Variants in SNAI2 observed in about 807,000 individuals in gnomAD.
The protein encoded by SNAI2 is snail family transcriptional repressor 2.
In SNAI2, 2 loss-of-function variants were observed where a neutral mutation model predicts 22.4. The ratio of observed to expected loss-of-function variants is 0.09; its 90% CI spans 0.04 to 0.28. The LOEUF is 0.28. Among genes scored for constraint, SNAI2 ranks in the 10% least tolerant of loss-of-function variants. The pLI is 1.00. For missense variants in SNAI2, 239 were observed against 320.8 expected (o/e 0.75, Z 1.95); for synonymous variants, 134 against 123.0 (o/e 1.09, Z -0.59).
At chr8:48,920,596 A>G (rs1207225050) in intron 1 of SNAI2, among the ~76,000 whole-genome samples, 155 bp from the exon 2 acceptor site, 2 of 152,254 alleles carry the variant, frequency 1.3e-5, no homozygotes, top group Non-Finnish European at 2.9e-5. Flanking sequence ...ACACACTGGT[A>G]AAATGTTTCA....
intron 2 of SNAI2, among the ~76,000 whole-genome samples, chr8:48,919,439 G>A (rs762773785): frequency 3.3e-5 from 5 of 152,218 alleles, no homozygotes; most frequent in African/African-American, 4.8e-5. Context: ...CAAAGCAAGA[G>A]AGGCAAAGTA....
chr8:48,919,153 T>G (rs915891051), intron 2 of SNAI2, among the ~76,000 whole-genome samples, 165 bp from the exon 3 acceptor site: 2 of 152,202 alleles, frequency 1.3e-5, no homozygotes, highest in Non-Finnish European at 2.9e-5. Context: ...ATACCTGAAT[T>G]TTTAAGATAA....
intron 2 of SNAI2, among the ~76,000 whole-genome samples, chr8:48,919,423 C>T (rs1256819008): frequency 7.2e-5 from 11 of 152,100 alleles, no homozygotes; most frequent in Non-Finnish European, 1.6e-4. Flanking sequence ...GCAAAAAATC[C>T]CCAAACAAAG....
chr8:48,920,157 C>T lies in SNAI2; in HGVS notation c.364G>A (p.Ala122Thr), dbSNP rs907510990. 1.2e-6 allele frequency: 2 copies of T among 1,614,200 alleles called. No individual in the cohort carries two copies. Among genetic ancestry groups the T allele is most frequent in the Admixed American group, 1.7e-5 (1 of 60,022 alleles). ...RLQSKLSDPHAIEAEKFQCNL... is the reference protein window; with the variant it reads ...RLQSKLSDPHTIEAEKFQCNL... ...CACTGAAACTTTTCAGCTTCAATGG[C>T]ATGGGGGTCTGAAAGCTTGGACTGT... Residue 122 changes from alanine (A) to threonine (T), a missense_variant, in exon 2 of 3, where the codon GCC becomes ACC. Physicochemically the swap from Ala to Thr is moderately conservative, Grantham distance 58. Coordinates refer to ENST00000020945, the MANE Select transcript of SNAI2 (RefSeq NM_003068.5).
Position 48,918,903 on chromosome 8 carries a change from A to G in SNAI2, c.711T>C (p.Asp237=), listed in dbSNP as rs1216935277. The G allele has an allele frequency of 6.2e-7, 1 of 1,614,166 alleles. No homozygotes were observed. Among genetic ancestry groups the G allele is most frequent in the Admixed American group, 1.7e-5 (1 of 60,020 alleles). The change falls in exon 3 of 3, where the codon GAT becomes GAC. Residue 237 remains aspartate (D), a synonymous_variant. Coordinates refer to ENST00000020945, the MANE Select transcript of SNAI2 (RefSeq NM_003068.5). ...AGTTTTTGCACTGGTATTTCTTTAC[A>G]TCAGAATGGGTCTGCAGATGAGCCC... ...NLRAHLQTHS[D]VKKYQCKNCS... is the part of the protein sequence containing the mutation.
Position 48,920,163 on chromosome 8 carries a change from G to C in SNAI2, c.358C>G (p.Pro120Ala). The C allele has an allele frequency of 1.9e-6, 3 of 1,614,198 alleles. No individual in the cohort carries two copies. Among genetic ancestry groups the C allele is most frequent in the Non-Finnish European group, 2.5e-6 (3 of 1,180,036 alleles). ...AACTTTTCAGCTTCAATGGCATGGG[G>C]GTCTGAAAGCTTGGACTGTAGTCTT... ...EERLQSKLSD[P>A]HAIEAEKFQC... The change falls in exon 2 of 3, where the codon CCC becomes GCC. Residue 120 changes from proline (P) to alanine (A), a missense_variant. Coordinates refer to ENST00000020945, the MANE Select transcript of SNAI2 (RefSeq NM_003068.5).
intron 1 of SNAI2, 81 bp from the exon 2 acceptor site, chr8:48,920,522 A>C: frequency 1.6e-6 from 2 of 1,248,814 alleles, no homozygotes; most frequent in East Asian, 4.6e-5. Context: ...CACACACTGG[A>C]AAGATATTTA....
rs566724701 is a variant in SNAI2 at position 48,921,342 on chromosome 8, G to T, written c.-77C>A. On this transcript the variant is annotated 5_prime_UTR_variant, in exon 1 of 3. Transcript: ENST00000020945. ...GACACGGCGGTCCCTACAGCATCGCGGCGGGCCAGGCTCGGGCAGGGGCCG... is the reference window on the plus strand; with the variant it reads ...GACACGGCGGTCCCTACAGCATCGCTGCGGGCCAGGCTCGGGCAGGGGCCG... The T allele has an allele frequency of 1.2e-5, 14 of 1,146,576 alleles. No homozygotes were observed. In the East Asian group the frequency reaches 3.3e-4, roughly 27 times the overall value. The allele number at this position is 1,146,576 out of a possible 1,614,324, so 71.0% of individuals were successfully genotyped here. A position where few individuals can be genotyped will look rare whatever the true frequency, so the allele number is the denominator to read the frequency against.
At chr8:48,919,289 G>A (rs1806124911) in intron 2 of SNAI2, among the ~76,000 whole-genome samples, 1 of 152,182 alleles carries the variant, frequency 6.6e-6, no homozygotes, top group African/African-American at 2.4e-5. Context: ...TGCAGCTAAT[G>A]TTGAGCACCT....
intron 1 of SNAI2, among the ~76,000 whole-genome samples, chr8:48,920,725 C>G (rs2117649606): frequency 6.6e-6 from 1 of 152,274 alleles, no homozygotes; most frequent in East Asian, 1.9e-4. Flanking sequence ...TTCGCCGTCC[C>G]CATTGAGGAA....
rs1055281352 is a variant in SNAI2, at chr8:48,918,015, T to G, written c.*792A>C. On this transcript the variant is annotated 3_prime_UTR_variant, in exon 3 of 3. Transcript: ENST00000020945. ...TTTGTGGTATGCATTTGAAATAGTT[T>G]AAGTACATTAATGAATTTGTAAGAA... 6.6e-6 allele frequency: 1 copy of G among 152,220 alleles called. No homozygotes were observed. Among genetic ancestry groups the G allele is most frequent in the African/African-American group, 2.4e-5 (1 of 41,468 alleles). 9.4% of individuals were successfully genotyped at this position (152,220 alleles called of 1,614,324 possible). A position where few individuals can be genotyped will look rare whatever the true frequency, so the allele number is the denominator to read the frequency against.
In SNAI2 at chr8:48,920,364, A is replaced by G; in HGVS notation, c.157T>C (p.Tyr53His). ...PQPEILSSGA[Y>H]SPITVWTTAA... ...GTAGTCCACACAGTGATGGGGCTGT[A>G]TGCTCCTGAGCTGAGGATCTCTGGT... Residue 53 changes from tyrosine to histidine, a missense_variant, in exon 2 of 3, where the codon TAC becomes CAC. By Grantham distance (83) the Tyr-to-His change is moderately conservative. This residue lies in a region of SNAI2 where 183 missense variants were observed against 190.4 expected (regional missense o/e 0.96). Coordinates refer to ENST00000020945, the MANE Select transcript of SNAI2 (RefSeq NM_003068.5). 1.2e-6 allele frequency: 2 copies of G among 1,613,926 alleles called. No homozygotes were observed. The highest frequency in any genetic ancestry group is 1.7e-6 in the Non-Finnish European group (2 of 1,179,846).
intron 2 of SNAI2, 131 bp from the exon 3 acceptor site, chr8:48,919,119 C>T (rs1806122209): frequency 2.5e-6 from 2 of 785,074 alleles, no homozygotes; most frequent in Admixed American, 4.9e-5. Flanking sequence ...TGATTAAAAT[C>T]CCTCATAATA....
intron 2 of SNAI2, 51 bp from the exon 3 acceptor site, chr8:48,919,039 A>T: frequency 6.4e-7 from 1 of 1,558,204 alleles, no homozygotes; most frequent in African/African-American, 1.4e-5. Context: ...TTTTTAGAGG[A>T]AACATAAAGT....
chr8:48,921,344 C>T lies in SNAI2; in HGVS notation c.-79G>A. The T allele has an allele frequency of 3.5e-6, 4 of 1,147,130 alleles. No homozygotes were observed. Among genetic ancestry groups the T allele is most frequent in the Admixed American group, 1.7e-5 (1 of 59,238 alleles). 71.1% of individuals were successfully genotyped at this position (1,147,130 alleles called of 1,614,324 possible). A position where few individuals can be genotyped will look rare whatever the true frequency, so the allele number is the denominator to read the frequency against. ...CACGGCGGTCCCTACAGCATCGCGG[C>T]GGGCCAGGCTCGGGCAGGGGCCGTG... On this transcript the variant is annotated 5_prime_UTR_variant, in exon 1 of 3. Transcript: ENST00000020945.
chr8:48,920,196 C>T lies in SNAI2; in HGVS notation c.325G>A (p.Glu109Lys). The T allele has an allele frequency of 6.2e-7, 1 of 1,614,216 alleles. No individual in the cohort carries two copies. ...AGCTTGGACTGTAGTCTTTCCTCTT[C>T]ATCACTAATGGGGCTTTCTGAGCCA... ...HSGSESPISD[E>K]EERLQSKLSD... The change falls in exon 2 of 3, where the codon GAA becomes AAA. Residue 109 changes from glutamate to lysine, a missense_variant. Physicochemically the swap from Glu to Lys is moderately conservative, Grantham distance 56. Transcript: ENST00000020945.
Position 48,921,366 on chromosome 8 carries a change from C to T in SNAI2, c.-101G>A, listed in dbSNP as rs968278375. 2.2e-6 allele frequency: 2 copies of T among 911,104 alleles called. No homozygotes were observed. The highest frequency in any genetic ancestry group is 3.6e-6 in the Non-Finnish European group (2 of 555,368). The allele number at this position is 911,104 out of a possible 1,614,324, so 56.4% of individuals were successfully genotyped here. On this transcript the variant is annotated 5_prime_UTR_variant, in exon 1 of 3. Transcript: ENST00000020945. ...CGGCGGGCCAGGCTCGGGCAGGGGC[C>T]GTGCTCAGGTGCGGCAGACGGACGG...
At chr8:48,919,415 A>C (rs1806126395) in intron 2 of SNAI2, among the ~76,000 whole-genome samples, 1 of 152,240 alleles carries the variant, frequency 6.6e-6, no homozygotes, top group South Asian at 2.1e-4. Flanking sequence ...ATTAAGGAGC[A>C]AAAAATCCCC....
At chr8:48,919,238 T>C (rs1244651229) in intron 2 of SNAI2, among the ~76,000 whole-genome samples, 4 of 152,208 alleles carry the variant, frequency 2.6e-5, no homozygotes, top group Non-Finnish European at 5.9e-5. Context: ...ATTTACGTAG[T>C]TCTTGGACTT....
Sources: gnomAD v4.1 joint callset for allele counts (sites outside exome capture counted in the v4.1 genomes callset) on GRCh38, gnomAD v4.1.1 for gene constraint, gnomAD v4.1.1 regional missense constraint, MANE v1.5 for transcripts, NCBI Gene and HGNC (gene_info 2026-07-23, HGNC 2026-07-21) for gene names.